Variants in DOCK8 observed in about 807,000 individuals in gnomAD.
The protein encoded by DOCK8 is dedicator of cytokinesis 8.
DOCK8 carries 141 observed loss-of-function variants against 245.6 expected under a neutral mutation model. That is an observed-to-expected ratio of 0.57 (90% confidence interval 0.50 to 0.66). DOCK8 has a LOEUF of 0.66. DOCK8 is among the 30% of genes least tolerant of loss of function. The pLI is 0.00. For synonymous variants in DOCK8, 1,168 were observed against 970.2 expected, an observed-to-expected ratio of 1.20 and a Z score of -3.79; for missense variants, 2,965 against 2,603.4, an observed-to-expected ratio of 1.14 and a Z score of -3.02.
At chr9:338,777 C>T (rs1443370797) in intron 12 of DOCK8, among the ~76,000 whole-genome samples, 1 of 152,110 alleles carries the variant, frequency 6.6e-6, no homozygotes, top group African/African-American at 2.4e-5. Context: ...GCAGCAGATG[C>T]CCCATCCCCA....
At chr9:462,286 C>G (rs532744632) in intron 46 of DOCK8, among the ~76,000 whole-genome samples, 17 of 152,182 alleles carry the variant, frequency 1.1e-4, no homozygotes, top group Non-Finnish European at 2.2e-4. Flanking sequence ...GTTATTTTCT[C>G]ACCTTGAAGC....
rs565472100 is a variant in DOCK8 at position 426,856 on chromosome 9, C to G, written c.4242-29C>G. On this transcript the variant is annotated intron_variant, in intron 33 of 47. Coordinates refer to ENST00000432829, the MANE Select transcript of DOCK8 (RefSeq NM_203447.4). ...GGAACCTGGCCAGGTTTGACATGCGCTTTAATTTGACCTCTTGTTGTTTCC... is the reference window on the plus strand; with the variant it reads ...GGAACCTGGCCAGGTTTGACATGCGGTTTAATTTGACCTCTTGTTGTTTCC... 3 of 1,603,022 alleles carry G rather than the reference C, an allele frequency of 1.9e-6. No individual in the cohort carries two copies. In the South Asian group the frequency reaches 3.3e-5, roughly 18 times the overall value.
chr9:377,338 A>G, intron 20 of DOCK8, 127 bp downstream of exon 20: 1 of 875,998 alleles, frequency 1.1e-6, no homozygotes, highest in Non-Finnish European at 1.7e-6. Context: ...ATGTGTGCTC[A>G]AGGGAGGCCA....
chr9:438,017 G>A (rs775146025), intron 39 of DOCK8, among the ~76,000 whole-genome samples: 3 of 152,236 alleles, frequency 2.0e-5, no homozygotes, highest in Non-Finnish European at 4.4e-5. Flanking sequence ...TGGATCTTCT[G>A]TTGTCACAGA....
intron 14 of DOCK8, among the ~76,000 whole-genome samples, chr9:359,793 T>C (rs2052629807): frequency 7.5e-6 from 1 of 132,854 alleles, no homozygotes; most frequent in South Asian, 2.3e-4. Context: ...ATTTTTTGGC[T>C]CTGTCTTTGC....
intron 1 of DOCK8, among the ~76,000 whole-genome samples, chr9:216,925 C>G (rs2046769376): frequency 6.6e-6 from 1 of 152,106 alleles, no homozygotes; most frequent in South Asian, 2.1e-4. Flanking sequence ...CAAATTGGCT[C>G]TCTGCTACAA....
intron 5 of DOCK8, among the ~76,000 whole-genome samples, chr9:306,360 A>G (rs570981412): frequency 1.3e-5 from 2 of 152,320 alleles, no homozygotes; most frequent in Admixed American, 6.5e-5. Context: ...GCTCTGCTCT[A>G]TGGGAGATTT....
intron 35 of DOCK8, 137 bp downstream of exon 35, chr9:428,633 A>G: frequency 8.8e-7 from 1 of 1,140,642 alleles, no homozygotes; most frequent in Non-Finnish European, 1.3e-6. Flanking sequence ...AAGTCTTCCT[A>G]GGAAGAAAGC....
At chr9:429,007 G>T (rs1374725702) in intron 35 of DOCK8, among the ~76,000 whole-genome samples, 3 of 151,960 alleles carry the variant, frequency 2.0e-5, no homozygotes, top group African/African-American at 7.3e-5. Context: ...TCGCTCTATC[G>T]CCCAGGCTGG....
chr9:432,409 A>G, intron 37 of DOCK8, 85 bp downstream of exon 37: 2 of 1,234,178 alleles, frequency 1.6e-6, no homozygotes, highest in Non-Finnish European at 2.3e-6. Flanking sequence ...TATATACACA[A>G]TTTATATATA....
At chr9:330,776 T>C (rs937323152) in intron 9 of DOCK8, among the ~76,000 whole-genome samples, 1 of 152,210 alleles carries the variant, frequency 6.6e-6, no homozygotes, top group African/African-American at 2.4e-5. Context: ...CTACTTTCCA[T>C]GGTTATGAGG....
intron 46 of DOCK8, among the ~76,000 whole-genome samples, chr9:457,398 G>C (rs2057673092): frequency 6.6e-6 from 1 of 152,198 alleles, no homozygotes; most frequent in Admixed American, 6.5e-5. Flanking sequence ...ATGGAACTTA[G>C]AATAAGACTT....
Position 304,693 on chromosome 9 carries a change from C to T in DOCK8, c.517C>T (p.Pro173Ser), listed in dbSNP as rs1458913430. ...GTCGGAAACCTTGGAGTGCAGTGAA[C>T]CCGCTGCTCAGGTATTTCCTGTCAA... Reference protein sequence around the residue: ...FESETLECSEPAAQAGPRHLN... With the variant: ...FESETLECSESAAQAGPRHLN... The change falls in exon 5 of 48, where the codon CCC becomes TCC. Residue 173 changes from proline (P) to serine (S), a missense_variant. This residue lies in a region of DOCK8 where 2,825 missense variants were observed against 2,453.5 expected (regional missense o/e 1.15). Coordinates refer to ENST00000432829, the MANE Select transcript of DOCK8 (RefSeq NM_203447.4). 6.2e-7 allele frequency: 1 copy of T among 1,614,028 alleles called. No individual in the cohort carries two copies.
chr9:348,371 C>A (rs1408259975), intron 14 of DOCK8, among the ~76,000 whole-genome samples: 3 of 152,174 alleles, frequency 2.0e-5, no homozygotes, highest in African/African-American at 7.2e-5. Flanking sequence ...TTCCACCGTT[C>A]ACAACTCCAT....
chr9:403,944 GTGTATATATATATATGTA>G (rs2055273005), intron 26 of DOCK8, among the ~76,000 whole-genome samples: 1 of 68,360 alleles, frequency 1.5e-5, no homozygotes, highest in South Asian at 4.3e-4. Flanking sequence ...ATATATATAT[GTGTATATATATATATGTA>G]TATATATATA....
intron 7 of DOCK8, among the ~76,000 whole-genome samples, chr9:323,019 G>A (rs1046465316): frequency 1.3e-5 from 2 of 151,480 alleles, no homozygotes; most frequent in Non-Finnish European, 2.9e-5. Flanking sequence ...CTTGAACCTG[G>A]GTGGCGGAGG....
Position 432,189 on chromosome 9 carries a change from A to G in DOCK8, c.4650A>G (p.Gln1550=), listed in dbSNP as rs2056739689. ...ATSNFARVKM[Q]VTMSLASLVG... is the part of the protein sequence containing the mutation. ...AGAATTTTGCAAGAGTAAAGATGCA[A>G]GTAACCATGTCCCTGGCATCTTTGG... is the stretch of plus-strand genomic sequence containing the variant. Residue 1550 remains glutamine, a synonymous_variant, in exon 37 of 48, where the codon CAA becomes CAG. Transcript: ENST00000432829. 6.2e-7 allele frequency: 1 copy of G among 1,613,342 alleles called. No individual in the cohort carries two copies. Among genetic ancestry groups the G allele is most frequent in the South Asian group, 1.1e-5 (1 of 91,064 alleles).
intron 14 of DOCK8, among the ~76,000 whole-genome samples, chr9:355,699 T>C (rs897088319): frequency 5.9e-5 from 9 of 152,204 alleles, no homozygotes; most frequent in African/African-American, 2.2e-4. Context: ...TTTCAAATAG[T>C]GGGGAGAAAC....
At chr9:376,427 T>G in intron 19 of DOCK8, 122 bp downstream of exon 19, 2 of 797,564 alleles carry the variant, frequency 2.5e-6, no homozygotes, top group Admixed American at 2.0e-5. Context: ...ACCCTTTAGT[T>G]CTTTGTGGGG....
Sources: gnomAD v4.1 joint callset for allele counts (sites outside exome capture counted in the v4.1 genomes callset) on GRCh38, gnomAD v4.1.1 for gene constraint, gnomAD v4.1.1 regional missense constraint, MANE v1.5 for transcripts, NCBI Gene and HGNC (gene_info 2026-07-23, HGNC 2026-07-21) for gene names.